The following NLRC3 variants were observed in gnomAD, a reference collection of about 807,000 sequenced individuals.
The protein encoded by NLRC3 is NLR family CARD domain-containing protein 3.
Under a neutral mutation model 91.6 loss-of-function variants are expected in NLRC3, and 87 were observed. The ratio of observed to expected loss-of-function variants is 0.95; its 90% CI spans 0.80 to 1.14. The LOEUF is 1.14. Among genes scored for constraint, NLRC3 ranks in the 50% most tolerant of loss-of-function variants. The pLI is 0.00. For synonymous variants in NLRC3, 694 were observed against 625.3 expected, an observed-to-expected ratio of 1.11 and a Z score of -1.64; for missense variants, 1,577 against 1,418.6, an observed-to-expected ratio of 1.11 and a Z score of -1.79.
At position 3,542,260 on chromosome 16, in the gene NLRC3, G is replaced by T. The variant is rs759365053; in HGVS notation, c.3038C>A (p.Ser1013Tyr). 8.8e-6 allele frequency: 14 copies of T among 1,588,340 alleles called. No homozygotes were observed. In the African/African-American group the frequency reaches 1.8e-4, roughly 20 times the overall value. The part of the protein sequence containing the change: ...SLRRLNLQEN[S>Y]LGMDGAICIA... ...GCATATCGCCCCGTCCATCCCCAGA[G>T]AATTCTCTTGAAGACTAAGTGGAAA... The change falls in exon 19 of 20, where the codon TCT becomes TAT. Residue 1013 changes from serine to tyrosine, a missense_variant. Physicochemically the swap from Ser to Tyr is moderately radical, Grantham distance 144 (BLOSUM62 -2). Transcript: ENST00000359128.
chr16:3,543,122 G>C (rs1242019278), intron 17 of NLRC3: 2 of 486,202 alleles, frequency 4.1e-6, no homozygotes, highest in African/African-American at 1.9e-5. Context: ...CTGAGCCTCA[G>C]AGCTGTAACC....
At position 3,552,280 on chromosome 16, in the gene NLRC3, C is replaced by A. The variant is rs780327980; in HGVS notation, c.2268-1G>T. 2 of 1,611,614 alleles carry A rather than the reference C, an allele frequency of 1.2e-6. No homozygotes were observed. The highest frequency in any genetic ancestry group is 8.5e-7 in the Non-Finnish European group (1 of 1,177,822). On this transcript the variant is annotated splice_acceptor_variant, in intron 9 of 19. Coordinates refer to ENST00000359128, the MANE Select transcript of NLRC3 (RefSeq NM_178844.4). LOFTEE classifies it high-confidence loss of function. ...GGGCCCGATGCTGTTCTTCTGCAGG[C>A]TGTGGGAGAAAAGAGAGGGGTCCTT...
At chr16:3,561,337 ACTGTCTGGGGGGGATAATTATAATC>A (rs2039601168) in intron 6 of NLRC3, among the ~76,000 whole-genome samples, 1 of 152,054 alleles carries the variant, frequency 6.6e-6, no homozygotes, top group Non-Finnish European at 1.5e-5. Flanking sequence ...ACAAAGCAAG[ACTGTCTGGGGGGGATAATTATAATC>A]CTGTGCCTAG....
In NLRC3 at chr16:3,554,437, C is replaced by T. The variant is rs192125060; in HGVS notation, c.2184-112G>A. 960 of 711,392 alleles carry T rather than the reference C, an allele frequency of 1.3e-3. 12 individuals are homozygous for T. Among genetic ancestry groups the T allele is most frequent in the Middle Eastern group, 0.011 (28 of 2,632 alleles). 44.1% of individuals were successfully genotyped at this position (711,392 alleles called of 1,614,324 possible). A position where few individuals can be genotyped will look rare whatever the true frequency, so the allele number is the denominator to read the frequency against. ...GTGGAGCAAGGGGTTCTGACCACTA[C>T]GTGCCCTCACCGCCCACCATGCAGG... On this transcript the variant is annotated intron_variant, in intron 8 of 19. Transcript: ENST00000359128.
intron 3 of NLRC3, 25 bp downstream of exon 3, chr16:3,565,294 C>T: frequency 1.5e-6 from 1 of 675,528 alleles, no homozygotes; most frequent in Non-Finnish European, 2.7e-6. Context: ...GGGCCCTGAG[C>T]TTGTACCCCG....
At position 3,549,142 on chromosome 16, in the gene NLRC3, T is replaced by G. The variant is rs762311182; in HGVS notation, c.2603A>C (p.Asp868Ala). 1 of 1,570,212 alleles carries G rather than the reference T, an allele frequency of 6.4e-7. No individual in the cohort carries two copies. The highest frequency in any genetic ancestry group is 1.9e-5 in the Admixed American group (1 of 53,608). Reference protein sequence around the residue: ...LCANSTLKNLDLTANLLHDQG... With the variant: ...LCANSTLKNLALTANLLHDQG... ...GGAGTCACAGGCCCCCACCACGTACTCCAGGTTCTTCAGGGTGCTGTTGGC... is the reference window on the plus strand; with the variant it reads ...GGAGTCACAGGCCCCCACCACGTACGCCAGGTTCTTCAGGGTGCTGTTGGC... Residue 868 changes from aspartate to alanine, a missense_variant and splice_region_variant, in exon 13 of 20, where the codon GAC becomes GCC. Physicochemically the swap from Asp to Ala is moderately radical, Grantham distance 126. Transcript: ENST00000359128.
intron 2 of NLRC3, 28 bp from the exon 3 acceptor site, chr16:3,565,408 A>G: frequency 4.4e-6 from 2 of 452,706 alleles, no homozygotes; most frequent in South Asian, 3.2e-5. Flanking sequence ...GTTACAAGTA[A>G]GTTTGCTCAA....
intron 10 of NLRC3, 140 bp from the exon 11 acceptor site, chr16:3,550,637 C>G: frequency 1.6e-6 from 1 of 638,058 alleles, no homozygotes; most frequent in Non-Finnish European, 2.9e-6. Context: ...TTTGTTCTGC[C>G]TGAGGCCTGT....
At chr16:3,558,085 C>T (rs542467073) in intron 6 of NLRC3, among the ~76,000 whole-genome samples, 76 of 152,264 alleles carry the variant, frequency 5.0e-4, no homozygotes, top group South Asian at 1.2e-3. Flanking sequence ...CATGCCTATA[C>T]AATCCCAGCA....
intron 6 of NLRC3, among the ~76,000 whole-genome samples, chr16:3,559,962 A>G (rs1313336396): frequency 6.6e-6 from 1 of 152,088 alleles, no homozygotes; most frequent in Non-Finnish European, 1.5e-5. Flanking sequence ...TTTTAAGCCC[A>G]TTTTTACCCT....
At chr16:3,572,347 T>C (rs1267952201) in intron 1 of NLRC3, among the ~76,000 whole-genome samples, 2 of 152,070 alleles carry the variant, frequency 1.3e-5, no homozygotes, top group Non-Finnish European at 2.9e-5. Context: ...TCACCCAGGC[T>C]GGAGTGCAGT....
intron 8 of NLRC3, 39 bp downstream of exon 8, chr16:3,556,872 T>C (rs774683785): frequency 1.4e-6 from 2 of 1,453,202 alleles, no homozygotes; most frequent in South Asian, 2.3e-5. Context: ...TTCTGGGCCC[T>C]CTCTTGGGGT....
At chr16:3,542,029 C>T (rs1322821437) in intron 19 of NLRC3, 114 bp from the exon 20 acceptor site, 3 of 804,034 alleles carry the variant, frequency 3.7e-6, no homozygotes, top group African/African-American at 3.4e-5. Context: ...TCTAGGATCC[C>T]CTCGCTACAT....
intron 1 of NLRC3, among the ~76,000 whole-genome samples, chr16:3,575,407 T>TGAGC (rs1222308564): frequency 1.3e-5 from 2 of 152,182 alleles, no homozygotes; most frequent in Admixed American, 1.3e-4. Flanking sequence ...GCGGCCCCTG[T>TGAGC]GAGCGCAGCT....
chr16:3,563,131 A>G lies in NLRC3; in HGVS notation c.1806T>C (p.Ala602=). 4.4e-6 allele frequency: 7 copies of G among 1,584,026 alleles called. No homozygotes were observed. Among genetic ancestry groups the G allele is most frequent in the Non-Finnish European group, 6.0e-6 (7 of 1,166,406 alleles). ...ACACCTGCAGGAGGTAGGCCAGGGC[A>G]GCGCGGTGCGCGGGACCAGTCAGCC... ...LARLTGPAHR[A]ALAYLLQVSD... is the part of the protein sequence containing the mutation. The change falls in exon 5 of 20, where the codon GCT becomes GCC. Residue 602 remains alanine (A), a synonymous_variant. Transcript: ENST00000359128.
chr16:3,552,282 G>A lies in NLRC3; in HGVS notation c.2268-3C>T, dbSNP rs2039058563. The A allele has an allele frequency of 3.1e-6, 5 of 1,611,142 alleles. No individual in the cohort carries two copies. The highest frequency in any genetic ancestry group is 3.4e-6 in the Non-Finnish European group (4 of 1,177,390). On this transcript the variant is annotated splice_polypyrimidine_tract_variant and splice_region_variant and intron_variant, in intron 9 of 19. Transcript: ENST00000359128. ...GCCCGATGCTGTTCTTCTGCAGGCT[G>A]TGGGAGAAAAGAGAGGGGTCCTTTA...
At chr16:3,565,425 G>A in intron 2 of NLRC3, 45 bp from the exon 3 acceptor site, 2 of 423,616 alleles carry the variant, frequency 4.7e-6, no homozygotes, top group Non-Finnish European at 9.2e-6. Flanking sequence ...TCAAAAGGAG[G>A]GAGGAATGAA....
chr16:3,550,901 G>A (rs2038958091), intron 10 of NLRC3, among the ~76,000 whole-genome samples: 1 of 152,138 alleles, frequency 6.6e-6, no homozygotes, highest in Admixed American at 6.5e-5. Flanking sequence ...GGAGTCCAAA[G>A]TCAGCTAACC....
chr16:3,565,757 C>G (rs1296961925), intron 2 of NLRC3, among the ~76,000 whole-genome samples: 1 of 151,082 alleles, frequency 6.6e-6, no homozygotes, highest in East Asian at 1.9e-4. Context: ...AAGAGTGAGC[C>G]CATGGCTGGG....
Sources: allele counts gnomAD v4.1 joint callset (sites outside exome capture counted in the v4.1 genomes callset), GRCh38; gene constraint gnomAD v4.1.1; transcripts MANE v1.5; gene names NCBI Gene and HGNC (gene_info 2026-07-23, HGNC 2026-07-21).